The following MAST4 variants were observed in gnomAD, a reference collection of about 807,000 sequenced individuals.
MAST4 encodes the protein microtubule associated serine/threonine kinase family member 4, also known as microtubule-associated serine/threonine-protein kinase 4.
A neutral mutation model predicts 162.7 loss-of-function variants in MAST4; 89 were observed. The ratio of observed to expected loss-of-function variants is 0.55; its 90% CI spans 0.46 to 0.65. The LOEUF (loss-of-function observed/expected upper bound fraction) is 0.65. MAST4 is among the 30% of genes least tolerant of loss of function. The pLI, the probability that MAST4 is intolerant of heterozygous loss-of-function variation, is 0.00. For synonymous variants in MAST4, 1,479 were observed against 1,361.1 expected (o/e 1.09, Z -1.91); for missense variants, 3,153 against 3,374.0 (o/e 0.93, Z 1.62).
At chr5:66,700,832 T>C (rs1317862921) in intron 1 of MAST4, among the ~76,000 whole-genome samples, 1 of 150,348 alleles carries the variant, frequency 6.7e-6, no homozygotes, top group Non-Finnish European at 1.5e-5. Flanking sequence ...CACACATATA[T>C]ACACATCGGT....
intron 2 of MAST4, among the ~76,000 whole-genome samples, chr5:66,786,966 T>C (rs188125634): frequency 1.6e-3 from 248 of 152,290 alleles, no homozygotes; most frequent in African/African-American, 5.5e-3. Context: ...TTTTTTGCAA[T>C]AAAATATAGG....
intron 1 of MAST4, among the ~76,000 whole-genome samples, chr5:66,627,242 A>G (rs534843855): frequency 3.9e-5 from 6 of 152,212 alleles, no homozygotes; most frequent in African/African-American, 7.2e-5. Flanking sequence ...TCTTGTGAGA[A>G]CTCACTCACT....
At chr5:67,139,940 TGAG>T (rs1770154608) in intron 19 of MAST4, among the ~76,000 whole-genome samples, 2 of 152,118 alleles carry the variant, frequency 1.3e-5, no homozygotes, top group African/African-American at 2.4e-5. Flanking sequence ...TGTAAATCCT[TGAG>T]GAGGACCCAT....
At chr5:67,067,491 T>C (rs1331753190) in intron 5 of MAST4, among the ~76,000 whole-genome samples, 1 of 152,146 alleles carries the variant, frequency 6.6e-6, no homozygotes, top group African/African-American at 2.4e-5. Context: ...AGCTAGAAAT[T>C]TGTAGCTAGA....
At chr5:67,121,327 G>C (rs1445200426) in intron 14 of MAST4, among the ~76,000 whole-genome samples, 1 of 152,074 alleles carries the variant, frequency 6.6e-6, no homozygotes, top group Admixed American at 6.6e-5. Flanking sequence ...GGGTTGGAGA[G>C]AAAGATTTTC....
At chr5:66,941,143 C>G (rs1743320899) in intron 4 of MAST4, among the ~76,000 whole-genome samples, 1 of 152,036 alleles carries the variant, frequency 6.6e-6, no homozygotes, top group African/African-American at 2.4e-5. Flanking sequence ...GCAGATTTAC[C>G]ATAATTTTGA....
chr5:66,837,701 G>A (rs1758075043), intron 3 of MAST4, among the ~76,000 whole-genome samples: 1 of 151,622 alleles, frequency 6.6e-6, no homozygotes, highest in African/African-American at 2.4e-5. Flanking sequence ...GTGGTGTGCA[G>A]CCAGAGTTGA....
chr5:66,971,913 T>C (rs114658027), intron 4 of MAST4, among the ~76,000 whole-genome samples: 1,771 of 146,092 alleles, frequency 0.012, 30 homozygotes, highest in African/African-American at 0.046. Flanking sequence ...ATATGAGAAT[T>C]AAGTTGTGAT....
chr5:67,028,228 T>A (rs571813725), intron 4 of MAST4, among the ~76,000 whole-genome samples: 1 of 152,034 alleles, frequency 6.6e-6, no homozygotes, highest in South Asian at 2.1e-4. Flanking sequence ...GAGAGATCAT[T>A]GAAATGTGGA....
chr5:66,602,423 T>A (rs1742614976), intron 1 of MAST4, among the ~76,000 whole-genome samples: 1 of 152,146 alleles, frequency 6.6e-6, no homozygotes, highest in Admixed American at 6.5e-5. Context: ...GAATGTCAAA[T>A]ACTTAACATT....
intron 4 of MAST4, among the ~76,000 whole-genome samples, chr5:67,019,751 A>G (rs559581205): frequency 6.6e-6 from 1 of 152,348 alleles, no homozygotes; most frequent in South Asian, 2.1e-4. Context: ...GTCATGGACT[A>G]AAATATATGG....
At chr5:67,116,506 T>G (rs16896286) in intron 12 of MAST4, among the ~76,000 whole-genome samples, 7 of 151,476 alleles carry the variant, frequency 4.6e-5, no homozygotes, top group African/African-American at 1.7e-4. Context: ...GCACCTGGCC[T>G]TGAGGCTAGT....
At chr5:66,894,457 G>A (rs1031301202) in intron 3 of MAST4, among the ~76,000 whole-genome samples, 42 of 152,112 alleles carry the variant, frequency 2.8e-4, no homozygotes, top group African/African-American at 8.7e-4. Context: ...TTTTATATGC[G>A]TGTATGTATG....
chr5:67,144,943 G>A (rs1770876655), intron 22 of MAST4, 147 bp downstream of exon 22: 1 of 1,106,094 alleles, frequency 9.0e-7, no homozygotes, highest in East Asian at 2.6e-5. Context: ...TCTAGGGTAG[G>A]GCCTGAAAAT....
intron 5 of MAST4, among the ~76,000 whole-genome samples, chr5:67,071,565 G>T (rs901597553): frequency 7.2e-5 from 11 of 152,138 alleles, no homozygotes; most frequent in Non-Finnish European, 1.6e-4. Context: ...TTCAAGACCA[G>T]ACTGACCAAT....
chr5:67,054,381 T>C lies in MAST4; in HGVS notation c.675-23T>C, dbSNP rs574757769. 19 of 1,573,256 alleles carry C rather than the reference T, an allele frequency of 1.2e-5. No individual in the cohort carries two copies. In the East Asian group the frequency reaches 4.4e-4, roughly 37 times the overall value. On this transcript the variant is annotated intron_variant, in intron 4 of 28. Transcript: ENST00000403625. ...TTGATGCTATATTCTTTTTAAACTTTGTTTTTTCTTTCTTTTTGATAGTTG... is the reference window on the plus strand; with the variant it reads ...TTGATGCTATATTCTTTTTAAACTTCGTTTTTTCTTTCTTTTTGATAGTTG...
intron 18 of MAST4, 50 bp from the exon 19 acceptor site, chr5:67,136,513 T>G (rs960825600): frequency 7.2e-7 from 1 of 1,395,136 alleles, no homozygotes; most frequent in African/African-American, 1.4e-5. Flanking sequence ...TGCTGGGACC[T>G]GGACCCTCTT....
chr5:66,624,887 C>T (rs1262674196), intron 1 of MAST4, among the ~76,000 whole-genome samples: 2 of 152,192 alleles, frequency 1.3e-5, no homozygotes. Flanking sequence ...TAACATAAGA[C>T]TTGCAATTGT....
At chr5:67,060,579 A>G (rs373233) in intron 5 of MAST4, among the ~76,000 whole-genome samples, 3 of 149,390 alleles carry the variant, frequency 2.0e-5, no homozygotes, top group South Asian at 2.1e-4. Context: ...ACAGGTTCAC[A>G]CCATTCTCCT....
Sources: allele counts gnomAD v4.1 joint callset (sites outside exome capture counted in the v4.1 genomes callset), GRCh38; gene constraint gnomAD v4.1.1; transcripts MANE v1.5; gene names NCBI Gene and HGNC (gene_info 2026-07-23, HGNC 2026-07-21).